Variants in PCDH9 observed in about 807,000 individuals in gnomAD.
PCDH9 encodes the protein protocadherin 9, also known as protocadherin-9.
PCDH9 carries 24 observed loss-of-function variants against 70.6 expected under a neutral mutation model. The observed-to-expected ratio is 0.34, with a 90% CI of 0.25 to 0.48. The LOEUF (loss-of-function observed/expected upper bound fraction) is 0.48, where lower values mean the gene tolerates loss of function less well. Among genes scored for constraint, PCDH9 ranks in the 20% least tolerant of loss-of-function variants. The pLI is 0.99. For missense variants in PCDH9, 1,281 were observed against 1,503.6 expected (o/e 0.85, Z 2.45); for synonymous variants, 562 against 558.5 (o/e 1.01, Z -0.09).
rs1250274224 is a variant in PCDH9 at position 66,453,388 on chromosome 13, G to A, written c.3341-148360C>T. 3.9e-5 allele frequency among the ~76,000 whole-genome samples: 6 copies of A among 152,130 alleles called. No individual in the cohort carries two copies. The East Asian group carries it at 1.2e-3, about 29-fold the overall frequency. ...ACCTAGAGAGCTATTCTTCCTACTA[G>A]AGGTCAAATGCATTTTTTCACATAG... On this transcript the variant is annotated intron_variant, in intron 4 of 4. Coordinates refer to ENST00000377865, the MANE Select transcript of PCDH9 (RefSeq NM_203487.3).
intron 3 of PCDH9, among the ~76,000 whole-genome samples, chr13:66,730,886 TGTTTG>T (rs142729121): frequency 0.32 from 26,624 of 82,494 alleles, 4,803 homozygotes; most frequent in South Asian, 0.44. Context: ...GTTTTTTTTT[TGTTTG>T]TTTCTTTTTT....
chr13:66,997,291 A>G (rs2084137509), intron 2 of PCDH9, among the ~76,000 whole-genome samples: 1 of 152,162 alleles, frequency 6.6e-6, no homozygotes, highest in African/African-American at 2.4e-5. Flanking sequence ...ATTTACAATT[A>G]TAACAGAAGG....
At position 67,192,783 on chromosome 13, in the gene PCDH9, C is replaced by T. The variant is rs778350043; in HGVS notation, c.3036+32622G>A. Among the ~76,000 whole-genome samples the T allele has an allele frequency of 3.9e-5, 6 of 152,246 alleles. No homozygotes were observed. The East Asian group carries it at 5.8e-4, about 15-fold the overall frequency. ...AGGGATAGTCCTTTCTTTACATTTA[C>T]GTCCAAAGCTACACCTTTGAAACCA... On this transcript the variant is annotated intron_variant, in intron 2 of 4. Coordinates refer to ENST00000377865, the MANE Select transcript of PCDH9 (RefSeq NM_203487.3).
chr13:66,856,130 T>C (rs1281889653), intron 3 of PCDH9, among the ~76,000 whole-genome samples: 4 of 152,080 alleles, frequency 2.6e-5, no homozygotes, highest in Non-Finnish European at 5.9e-5. Context: ...AATGATTTAC[T>C]AACTTCAATA....
At chr13:66,834,693 G>A (rs2080986327) in intron 3 of PCDH9, among the ~76,000 whole-genome samples, 1 of 152,112 alleles carries the variant, frequency 6.6e-6, no homozygotes, top group South Asian at 2.1e-4. Context: ...TAACCTTTCT[G>A]GTTGTGTTTC....
intron 3 of PCDH9, among the ~76,000 whole-genome samples, chr13:66,700,811 G>A (rs746101733): frequency 5.3e-5 from 8 of 150,804 alleles, no homozygotes; most frequent in Non-Finnish European, 1.0e-4. Context: ...CATGTAAAAT[G>A]AAAATAATTC....
intron 3 of PCDH9, among the ~76,000 whole-genome samples, chr13:66,862,961 T>C (rs1399660020): frequency 6.6e-6 from 1 of 152,200 alleles, no homozygotes; most frequent in African/African-American, 2.4e-5. Context: ...TTTTTAGCAG[T>C]CCATCACAGG....
At chr13:66,428,345 T>C (rs1190847094) in intron 4 of PCDH9, among the ~76,000 whole-genome samples, 1 of 151,728 alleles carries the variant, frequency 6.6e-6, no homozygotes, top group Admixed American at 6.6e-5. Flanking sequence ...TATGTGTTCT[T>C]ACTGTAACTC....
intron 3 of PCDH9, among the ~76,000 whole-genome samples, chr13:66,903,150 CCTTT>C (rs1208913522): frequency 6.6e-6 from 1 of 151,632 alleles, no homozygotes; most frequent in Non-Finnish European, 1.5e-5. Flanking sequence ...AATAGTTGTG[CCTTT>C]CTTTTAGTTC....
chr13:66,807,985 G>A (rs1043603796), intron 3 of PCDH9, among the ~76,000 whole-genome samples: 5 of 152,134 alleles, frequency 3.3e-5, no homozygotes, highest in African/African-American at 4.8e-5. Context: ...GTAGATGGAG[G>A]AGAGTTTGGC....
chr13:66,880,675 ATGCAAGAAAAAGGGATTCTTAGC>A (rs1177763881), intron 3 of PCDH9, among the ~76,000 whole-genome samples: 2 of 152,194 alleles, frequency 1.3e-5, no homozygotes, highest in Non-Finnish European at 2.9e-5. Flanking sequence ...TCTTAGGTCT[ATGCAAGAAAAAGGGATTCTTAGC>A]TGCAACATGA....
At chr13:66,625,970 T>G (rs1025985880) in intron 4 of PCDH9, among the ~76,000 whole-genome samples, 1 of 152,156 alleles carries the variant, frequency 6.6e-6, no homozygotes, top group Non-Finnish European at 1.5e-5. Context: ...GGCCTATATG[T>G]TGGCTTTATA....
At chr13:66,963,085 G>T (rs903283453) in intron 2 of PCDH9, among the ~76,000 whole-genome samples, 3 of 152,086 alleles carry the variant, frequency 2.0e-5, no homozygotes, top group African/African-American at 7.2e-5. Flanking sequence ...TCACAACAGG[G>T]TTTGTGCTCC....
Position 66,378,824 on chromosome 13 carries a change from T to A in PCDH9, c.3341-73796A>T, listed in dbSNP as rs988502570. On this transcript the variant is annotated intron_variant, in intron 4 of 4. Transcript: ENST00000377865. The stretch of plus-strand genomic sequence containing the variant: ...GTCTCACTCATAGCTAAGAGTGATA[T>A]GTAAGGTTAGGATTTTTAGACATCT... Among the ~76,000 whole-genome samples, 6 of 152,170 alleles carry A rather than the reference T, an allele frequency of 3.9e-5. 1 individual carries two copies. Among genetic ancestry groups the A allele is most frequent in the Non-Finnish European group, 8.8e-5 (6 of 68,024 alleles).
At chr13:66,768,052 C>T (rs1471915306) in intron 3 of PCDH9, among the ~76,000 whole-genome samples, 1 of 151,934 alleles carries the variant, frequency 6.6e-6, no homozygotes, top group African/African-American at 2.4e-5. Flanking sequence ...AAGCAAGGTC[C>T]CAGTTTACCA....
intron 2 of PCDH9, among the ~76,000 whole-genome samples, chr13:66,911,168 T>C (rs747496272): frequency 6.6e-6 from 1 of 152,068 alleles, no homozygotes; most frequent in Non-Finnish European, 1.5e-5. Flanking sequence ...TAGAACTCTA[T>C]GTCAAACTTA....
At chr13:66,315,374 TG>T (rs1309802965) in intron 4 of PCDH9, among the ~76,000 whole-genome samples, 4 of 152,246 alleles carry the variant, frequency 2.6e-5, no homozygotes, top group African/African-American at 9.6e-5. Flanking sequence ...TCTCTAAATT[TG>T]TGATAATTTG....
intron 2 of PCDH9, among the ~76,000 whole-genome samples, chr13:67,192,195 C>T (rs1381468760): frequency 6.6e-6 from 1 of 151,944 alleles, no homozygotes; most frequent in Non-Finnish European, 1.5e-5. Context: ...ACGTATTCTT[C>T]CACTATGCAA....
At chr13:67,000,652 G>A (rs1046613880) in intron 2 of PCDH9, among the ~76,000 whole-genome samples, 8 of 152,044 alleles carry the variant, frequency 5.3e-5, no homozygotes, top group Admixed American at 1.3e-4. Context: ...TAGGTAACTT[G>A]ACATCATTCC....
Sources: gnomAD v4.1 joint callset for allele counts (sites outside exome capture counted in the v4.1 genomes callset) on GRCh38, gnomAD v4.1.1 for gene constraint, MANE v1.5 for transcripts, NCBI Gene and HGNC (gene_info 2026-07-23, HGNC 2026-07-21) for gene names.